Variants in MACROD2 observed in about 807,000 individuals in gnomAD.
The protein encoded by MACROD2 is ADP-ribose glycohydrolase MACROD2.
MACROD2 carries 36 observed loss-of-function variants against 70.4 expected under a neutral mutation model. The ratio of observed to expected loss-of-function variants is 0.51; its 90% CI spans 0.39 to 0.68. The LOEUF (loss-of-function observed/expected upper bound fraction) is 0.68, where lower values mean the gene tolerates loss of function less well. Among genes scored for constraint, MACROD2 ranks in the 30% least tolerant of loss-of-function variants. MACROD2 has a pLI of 0.00. For missense variants in MACROD2, 496 were observed against 538.4 expected (o/e 0.92, Z 0.78); for synonymous variants, 172 against 178.8 (o/e 0.96, Z 0.30).
intron 8 of MACROD2, among the ~76,000 whole-genome samples, chr20:15,505,252 G>A (rs923062396): frequency 2.0e-5 from 3 of 152,156 alleles, no homozygotes; most frequent in Non-Finnish European, 4.4e-5. Context: ...ACAGCACATA[G>A]CACCATGTGT....
intron 5 of MACROD2, among the ~76,000 whole-genome samples, chr20:15,176,214 G>T (rs761722218): frequency 1.3e-5 from 2 of 152,184 alleles, no homozygotes; most frequent in Non-Finnish European, 2.9e-5. Context: ...GGGCCTGCAG[G>T]TACCCCTTGG....
At chr20:14,566,470 A>C (rs1437586601) in intron 4 of MACROD2, 1 of 152,004 alleles carries the variant, frequency 6.6e-6, no homozygotes, top group Non-Finnish European at 1.5e-5. Flanking sequence ...GTCAAAAGTT[A>C]TGTGTTTGTC....
chr20:15,115,304 A>C (rs908409239), intron 5 of MACROD2, among the ~76,000 whole-genome samples: 1 of 151,998 alleles, frequency 6.6e-6, no homozygotes, highest in Non-Finnish European at 1.5e-5. Flanking sequence ...ATCTTGGCTC[A>C]CTGCTGTCTC....
intron 6 of MACROD2, among the ~76,000 whole-genome samples, chr20:15,293,441 T>C (rs2077558855): frequency 6.6e-6 from 1 of 152,212 alleles, no homozygotes; most frequent in Non-Finnish European, 1.5e-5. Context: ...AATCCATATA[T>C]AACATCAGCA....
intron 5 of MACROD2, among the ~76,000 whole-genome samples, chr20:14,861,498 T>G (rs953577457): frequency 6.6e-6 from 1 of 151,978 alleles, no homozygotes; most frequent in African/African-American, 2.4e-5. Context: ...CTGACCTTCC[T>G]CTCCTACTCT....
intron 8 of MACROD2, among the ~76,000 whole-genome samples, chr20:15,813,817 GT>G (rs773197332): frequency 6.1e-4 from 93 of 152,246 alleles, no homozygotes; most frequent in Non-Finnish European, 9.4e-4. Flanking sequence ...AACTTCAGAT[GT>G]TTTAATAGAG....
rs146917448 is a variant in MACROD2, at chr20:14,734,968, A to G, written c.418+50009A>G. On this transcript the variant is annotated intron_variant, in intron 5 of 17. Coordinates refer to ENST00000684519, the MANE Select transcript of MACROD2 (RefSeq NM_001351661.2). ...GGATGACATTGAGCCCTTACCTCAT[A>G]CCATTTACAAAAATTAACTCATGAT... Among the ~76,000 whole-genome samples, 28 of 152,286 alleles carry G rather than the reference A, an allele frequency of 1.8e-4. 1 individual carries two copies. The East Asian group carries it at 5.0e-3, about 27-fold the overall frequency.
chr20:14,162,005 T>C (rs1271934287), intron 3 of MACROD2, among the ~76,000 whole-genome samples: 3 of 152,234 alleles, frequency 2.0e-5, no homozygotes, highest in Non-Finnish European at 2.9e-5. Flanking sequence ...CTTTTTGATG[T>C]AGGTGTTTAT....
At position 14,498,811 on chromosome 20, in the gene MACROD2, C is replaced by T. The variant is rs60638294; in HGVS notation, c.301+5303C>T. 1.5e-3 allele frequency among the ~76,000 whole-genome samples: 226 copies of T among 152,324 alleles called. 1 individual carries two copies. Among genetic ancestry groups the T allele is most frequent in the African/African-American group, 4.9e-3 (204 of 41,570 alleles). ...TTAAGCATTCACAAGCAGAGTGGAG[C>T]GCCCTCTCACCTCCCTCCACATACA... is the stretch of plus-strand genomic sequence containing the variant. On this transcript the variant is annotated intron_variant, in intron 4 of 17. Transcript: ENST00000684519.
intron 8 of MACROD2, among the ~76,000 whole-genome samples, chr20:15,758,188 G>C (rs778307311): frequency 1.3e-5 from 2 of 150,784 alleles, no homozygotes; most frequent in Non-Finnish European, 2.9e-5. Flanking sequence ...ATTTCTATAT[G>C]ATAAGGGTGT....
intron 6 of MACROD2, among the ~76,000 whole-genome samples, chr20:15,272,057 A>AT (rs1285611087): frequency 6.6e-6 from 1 of 152,158 alleles, no homozygotes; most frequent in Non-Finnish European, 1.5e-5. Flanking sequence ...TATTAACACA[A>AT]TTTTTTCAGT....
At chr20:15,771,958 A>G (rs1273941029) in intron 8 of MACROD2, among the ~76,000 whole-genome samples, 7 of 149,952 alleles carry the variant, frequency 4.7e-5, no homozygotes, top group Non-Finnish European at 8.9e-5. Context: ...AGTGGCGGGC[A>G]CCTGTAGTCC....
At chr20:14,229,796 A>G (rs1194074840) in intron 3 of MACROD2, among the ~76,000 whole-genome samples, 1 of 152,240 alleles carries the variant, frequency 6.6e-6, no homozygotes, top group African/African-American at 2.4e-5. Context: ...AGTAGAAGCA[A>G]CCAAGATGTC....
At chr20:15,891,815 A>G (rs2064893137) in intron 10 of MACROD2, among the ~76,000 whole-genome samples, 2 of 152,162 alleles carry the variant, frequency 1.3e-5, no homozygotes. Context: ...TCAAATTTGA[A>G]ATGCCTGATG....
chr20:14,207,270 G>A (rs1352985999), intron 3 of MACROD2, among the ~76,000 whole-genome samples: 1 of 151,950 alleles, frequency 6.6e-6, no homozygotes, highest in African/African-American at 2.4e-5. Flanking sequence ...GCTAATTTTT[G>A]TGGTTTTTTT....
chr20:15,409,365 G>A (rs147647691), intron 6 of MACROD2, among the ~76,000 whole-genome samples: 37 of 152,336 alleles, frequency 2.4e-4, no homozygotes, highest in African/African-American at 8.7e-4. Flanking sequence ...TAGTGATTAT[G>A]TGAAGTTCTA....
intron 4 of MACROD2, among the ~76,000 whole-genome samples, chr20:14,629,564 T>C (rs1165050499): frequency 6.6e-6 from 1 of 152,194 alleles, no homozygotes; most frequent in Non-Finnish European, 1.5e-5. Context: ...ATATAATAAA[T>C]GTGTAGAGTA....
At chr20:15,656,167 A>G (rs2146806136) in intron 8 of MACROD2, among the ~76,000 whole-genome samples, 1 of 152,320 alleles carries the variant, frequency 6.6e-6, no homozygotes, top group Admixed American at 6.5e-5. Context: ...CTGGGGTTGC[A>G]GTATTGAAAC....
chr20:15,358,789 C>T (rs891335659), intron 6 of MACROD2, among the ~76,000 whole-genome samples: 17 of 149,740 alleles, frequency 1.1e-4, no homozygotes, highest in East Asian at 6.0e-4. Flanking sequence ...CTCCAGATGG[C>T]GAAGAAGAAG....
Sources: gnomAD v4.1 joint callset for allele counts (sites outside exome capture counted in the v4.1 genomes callset) on GRCh38, gnomAD v4.1.1 for gene constraint, MANE v1.5 for transcripts, NCBI Gene and HGNC (gene_info 2026-07-23, HGNC 2026-07-21) for gene names.